Variants in ERC2 observed in about 807,000 individuals in gnomAD.
The protein encoded by ERC2 is ELKS/RAB6-interacting/CAST family member 2, also known as ERC protein 2.
ERC2 carries 42 observed loss-of-function variants against 114.8 expected under a neutral mutation model. The ratio of observed to expected loss-of-function variants is 0.37; its 90% CI spans 0.29 to 0.47. The LOEUF (loss-of-function observed/expected upper bound fraction) is 0.47, where lower values mean the gene tolerates loss of function less well. ERC2 is among the 20% of genes least tolerant of loss of function. The pLI, the probability that ERC2 is intolerant of heterozygous loss-of-function variation, is 0.99. For missense variants in ERC2, 939 were observed against 1,150.7 expected (o/e 0.82, Z 2.66); for synonymous variants, 454 against 425.5 (o/e 1.07, Z -0.82).
At chr3:56,034,129 G>C (rs1362732812) in intron 7 of ERC2, among the ~76,000 whole-genome samples, 3 of 152,106 alleles carry the variant, frequency 2.0e-5, no homozygotes, top group Non-Finnish European at 4.4e-5. Context: ...TCAATGAAGA[G>C]AAAAAGATAT....
intron 6 of ERC2, among the ~76,000 whole-genome samples, chr3:56,137,814 A>C (rs2149908990): frequency 6.6e-6 from 1 of 152,338 alleles, no homozygotes; most frequent in African/African-American, 2.4e-5. Context: ...ATATGTGGCT[A>C]ATGTGACTAT....
Position 56,309,129 on chromosome 3 carries a change from T to TA in ERC2, c.658-12695dup, listed in dbSNP as rs1018437788. Among the ~76,000 whole-genome samples, 126 of 152,284 alleles carry TA rather than the reference T, an allele frequency of 8.3e-4. 1 individual carries two copies. Among genetic ancestry groups the TA allele is most frequent in the African/African-American group, 3.0e-3 (124 of 41,552 alleles). The stretch of plus-strand genomic sequence containing the variant: ...AAGAGTTGGCCTGCTGAGGGAGGTA[T>TA]AAAAAATTAATATTTAGACATATGG... On this transcript the variant is annotated intron_variant, in intron 2 of 17. Transcript: ENST00000288221.
chr3:56,200,056 T>G (rs1440408928), intron 3 of ERC2, among the ~76,000 whole-genome samples: 1 of 140,544 alleles, frequency 7.1e-6, no homozygotes, highest in African/African-American at 2.5e-5. Context: ...AGTTTCCAGC[T>G]TCAGCAACTG....
chr3:56,009,427 C>CT (rs2072746410), intron 9 of ERC2, among the ~76,000 whole-genome samples: 1 of 152,200 alleles, frequency 6.6e-6, no homozygotes, highest in Admixed American at 6.5e-5. Flanking sequence ...CGAAACTCCT[C>CT]TTACTCATCC....
At position 55,771,849 on chromosome 3, in the gene ERC2, C is replaced by T. The variant is rs545120437; in HGVS notation, c.2565-36931G>A. Reference sequence around the variant, plus strand: ...GGAAATAACCTTTGCACAGAGCACACAGGATGTCTGTAATTATGGGTTTTC... The same window carrying T: ...GGAAATAACCTTTGCACAGAGCACATAGGATGTCTGTAATTATGGGTTTTC... On this transcript the variant is annotated intron_variant, in intron 14 of 17. Transcript: ENST00000288221. Among the ~76,000 whole-genome samples, 7 of 152,334 alleles carry T rather than the reference C, an allele frequency of 4.6e-5. No individual in the cohort carries two copies. In the East Asian group the frequency reaches 1.2e-3, roughly 25 times the overall value.
At chr3:56,245,849 T>C (rs2051658752) in intron 3 of ERC2, among the ~76,000 whole-genome samples, 1 of 152,078 alleles carries the variant, frequency 6.6e-6, no homozygotes, top group South Asian at 2.1e-4. Context: ...CCCTTAGTTG[T>C]ATTTTAAAAG....
chr3:55,707,709 T>C (rs932436985), intron 15 of ERC2, among the ~76,000 whole-genome samples: 1 of 152,368 alleles, frequency 6.6e-6, no homozygotes, highest in South Asian at 2.1e-4. Flanking sequence ...CAACACTGTG[T>C]TGGCATCATC....
chr3:55,663,955 G>T (rs1024953601), intron 17 of ERC2, among the ~76,000 whole-genome samples: 2 of 152,102 alleles, frequency 1.3e-5, no homozygotes, highest in Non-Finnish European at 2.9e-5. Flanking sequence ...TAAACTACGC[G>T]CTTGTTTGTA....
At chr3:55,565,822 G>T (rs1381382562) in intron 17 of ERC2, among the ~76,000 whole-genome samples, 3 of 152,174 alleles carry the variant, frequency 2.0e-5, no homozygotes, top group Admixed American at 6.5e-5. Context: ...ACTCTGAACT[G>T]CAGGCTGCCC....
At position 55,909,277 on chromosome 3, in the gene ERC2, T is replaced by C. The variant is rs766850966; in HGVS notation, c.2404-20728A>G. ...GGTATAACTCAACTGGGAACATTCC[T>C]TGGCCACATCAGGACAGACTAAAAA... On this transcript the variant is annotated intron_variant, in intron 13 of 17. Coordinates refer to ENST00000288221, the MANE Select transcript of ERC2 (RefSeq NM_015576.3). Among the ~76,000 whole-genome samples, 31 of 152,346 alleles carry C rather than the reference T, an allele frequency of 2.0e-4. 1 individual carries two copies. Among genetic ancestry groups the C allele is most frequent in the Admixed American group, 2.0e-4 (3 of 15,306 alleles).
intron 7 of ERC2, among the ~76,000 whole-genome samples, chr3:56,051,092 C>A (rs943748908): frequency 4.6e-5 from 7 of 152,178 alleles, no homozygotes; most frequent in African/African-American, 1.7e-4. Flanking sequence ...AAGACACAGG[C>A]AGGTGGGACC....
intron 17 of ERC2, among the ~76,000 whole-genome samples, chr3:55,676,123 A>G (rs1403981428): frequency 6.6e-6 from 1 of 151,444 alleles, no homozygotes; most frequent in Non-Finnish European, 1.5e-5. Context: ...GGGTTTCTCC[A>G]TGTTGGCCAG....
intron 14 of ERC2, among the ~76,000 whole-genome samples, chr3:55,746,111 A>T (rs1362871521): frequency 6.6e-6 from 1 of 152,226 alleles, no homozygotes; most frequent in Non-Finnish European, 1.5e-5. Flanking sequence ...CCCACAGGCT[A>T]AATTGTAATA....
rs9879471 is a variant in ERC2, at chr3:55,883,039, T to C, written c.2564+5350A>G. Among the ~76,000 whole-genome samples, 931 of 152,368 alleles carry C rather than the reference T, an allele frequency of 6.1e-3. 9 individuals carry two copies. Among genetic ancestry groups the C allele is most frequent in the African/African-American group, 0.021 (888 of 41,582 alleles). ...TGTTTATTCATTTCCTTCACTCATT[T>C]TACTAAAATGCAAGCTCAACAAGGT... On this transcript the variant is annotated intron_variant, in intron 14 of 17. Transcript: ENST00000288221.
intron 14 of ERC2, among the ~76,000 whole-genome samples, chr3:55,806,328 CAAA>C (rs58267124): frequency 0.02 from 2,269 of 111,254 alleles, 63 homozygotes; most frequent in African/African-American, 0.065. Flanking sequence ...AACTCCTTCT[CAAA>C]AAAAAAAAAA....
Position 56,350,028 on chromosome 3 carries a change from C to T in ERC2, c.658-53593G>A, listed in dbSNP as rs570703039. Among the ~76,000 whole-genome samples the T allele has an allele frequency of 3.1e-4, 47 of 152,076 alleles. No homozygotes were observed. The South Asian group carries it at 5.8e-3, about 19-fold the overall frequency. ...GCAATATGCCTATAGAACAAACAGG[C>T]ACATATACCCCTGAAACTAAAATAA... On this transcript the variant is annotated intron_variant, in intron 2 of 17. Transcript: ENST00000288221.
chr3:56,431,148 C>T (rs1461173761), intron 2 of ERC2, among the ~76,000 whole-genome samples: 1 of 152,218 alleles, frequency 6.6e-6, no homozygotes, highest in Non-Finnish European at 1.5e-5. Flanking sequence ...GCCTAGCACA[C>T]AGTTGGCCCT....
At chr3:55,605,021 A>C (rs2058580718) in intron 17 of ERC2, among the ~76,000 whole-genome samples, 1 of 152,226 alleles carries the variant, frequency 6.6e-6, no homozygotes, top group Non-Finnish European at 1.5e-5. Context: ...CGAGGATGCC[A>C]GTGGCTCTTC....
At chr3:56,121,230 T>A (rs2079556392) in intron 6 of ERC2, among the ~76,000 whole-genome samples, 1 of 152,232 alleles carries the variant, frequency 6.6e-6, no homozygotes, top group Non-Finnish European at 1.5e-5. Flanking sequence ...TGTATGTTTG[T>A]ATGTCTGTAG....
Sources: allele counts gnomAD v4.1 joint callset (sites outside exome capture counted in the v4.1 genomes callset), GRCh38; gene constraint gnomAD v4.1.1; transcripts MANE v1.5; gene names NCBI Gene and HGNC (gene_info 2026-07-23, HGNC 2026-07-21).